The following FAM135A variants were observed in gnomAD, a reference collection of about 807,000 sequenced individuals.
FAM135A encodes the protein protein FAM135A.
In FAM135A, 79 loss-of-function variants were observed where a neutral mutation model predicts 146.8. The ratio of observed to expected loss-of-function variants is 0.54; its 90% CI spans 0.45 to 0.65. The LOEUF is 0.65. Among genes scored for constraint, FAM135A ranks in the 30% least tolerant of loss-of-function variants. FAM135A has a pLI of 0.00. For missense variants in FAM135A, 1,623 were observed against 1,758.2 expected (o/e 0.92, Z 1.38); for synonymous variants, 562 against 603.6 (o/e 0.93, Z 1.01).
At chr6:70,461,849 A>G (rs531697534) in intron 5 of FAM135A, among the ~76,000 whole-genome samples, 5 of 152,310 alleles carry the variant, frequency 3.3e-5, no homozygotes, top group African/African-American at 1.2e-4. Context: ...TATTCCATTT[A>G]TTTGAGTCTT....
chr6:70,493,724 T>C (rs541506301), intron 11 of FAM135A, among the ~76,000 whole-genome samples: 14 of 152,316 alleles, frequency 9.2e-5, no homozygotes, highest in South Asian at 2.1e-4. Flanking sequence ...AAACAAATTA[T>C]GGGATACTTG....
intron 4 of FAM135A, among the ~76,000 whole-genome samples, chr6:70,436,106 C>T (rs1448976319): frequency 1.3e-5 from 2 of 151,958 alleles, no homozygotes; most frequent in Non-Finnish European, 2.9e-5. Flanking sequence ...ATCACTTGAA[C>T]CCCAGAGGCG....
chr6:70,556,821 C>T lies in FAM135A; in HGVS notation c.4300C>T (p.Arg1434Cys), dbSNP rs1017529510. 6.2e-6 allele frequency: 10 copies of T among 1,613,696 alleles called. No homozygotes were observed. The highest frequency in any genetic ancestry group is 1.6e-4 in the Middle Eastern group (1 of 6,070). ...QDRYVPYHSA[R>C]IEMCKTALKD... ...TCGCTATGTTCCTTATCACTCTGCC[C>T]GCATTGAAATGTGTAAAACAGCTTT... The change falls in exon 21 of 22, where the codon CGC (arginine) becomes TGC (cysteine). Residue 1434 changes from arginine (R) to cysteine (C), a missense_variant. Transcript: ENST00000418814.
In FAM135A at chr6:70,502,627, TCA is replaced by T; in HGVS notation, c.874-8_874-7del. The T allele has an allele frequency of 6.2e-7, 1 of 1,600,498 alleles. No homozygotes were observed. The highest frequency in any genetic ancestry group is 1.4e-5 in the African/African-American group (1 of 73,998). On this transcript the variant is annotated splice_region_variant and splice_polypyrimidine_tract_variant and intron_variant, in intron 11 of 21. Coordinates refer to ENST00000418814, the MANE Select transcript of FAM135A (RefSeq NM_001162529.3). Reference sequence around the variant, plus strand: ...GGAAATAGTGAAATTTTTTTTCTTTTCATTTCAGAAAATAGAGAATCCTGATG... The same window carrying T: ...GGAAATAGTGAAATTTTTTTTCTTTTTTTCAGAAAATAGAGAATCCTGATG...
chr6:70,495,039 A>G (rs77182686), intron 11 of FAM135A, among the ~76,000 whole-genome samples: 108 of 152,306 alleles, frequency 7.1e-4, no homozygotes, highest in Non-Finnish European at 1.3e-3. Flanking sequence ...TTTAAAGTCC[A>G]TATTCTTAAA....
At chr6:70,513,951 A>G (rs1791624736) in intron 12 of FAM135A, among the ~76,000 whole-genome samples, 1 of 151,342 alleles carries the variant, frequency 6.6e-6, no homozygotes, top group Admixed American at 6.6e-5. Flanking sequence ...TTTGACTATG[A>G]TATGCCTTGT....
intron 16 of FAM135A, among the ~76,000 whole-genome samples, chr6:70,532,133 C>T (rs1230601447): frequency 6.6e-6 from 1 of 151,970 alleles, no homozygotes; most frequent in Non-Finnish European, 1.5e-5. Context: ...GCCACAGCCT[C>T]CTAAAGTGCT....
At chr6:70,553,127 G>A (rs1800159055) in intron 20 of FAM135A, among the ~76,000 whole-genome samples, 1 of 152,152 alleles carries the variant, frequency 6.6e-6, no homozygotes, top group South Asian at 2.1e-4. Context: ...GCCATTATTA[G>A]ATAAACCAGT....
At chr6:70,557,682 G>T (rs376914751) in intron 21 of FAM135A, 1 of 94,434 alleles carries the variant, frequency 1.1e-5, no homozygotes, top group East Asian at 3.1e-4. Flanking sequence ...AGACAAGAAC[G>T]AAACTCTGTC....
intron 7 of FAM135A, among the ~76,000 whole-genome samples, chr6:70,476,058 T>C (rs150356859): frequency 6.6e-6 from 1 of 152,206 alleles, no homozygotes; most frequent in Non-Finnish European, 1.5e-5. Context: ...CACTGGCTAA[T>C]CTTTCTTGAT....
intron 10 of FAM135A, among the ~76,000 whole-genome samples, chr6:70,489,415 G>A (rs1167140764): frequency 6.6e-6 from 1 of 152,150 alleles, no homozygotes; most frequent in African/African-American, 2.4e-5. Context: ...TATATTTTGT[G>A]AGTTATGAAA....
At chr6:70,431,564 A>G (rs552146311) in intron 4 of FAM135A, among the ~76,000 whole-genome samples, 1 of 152,298 alleles carries the variant, frequency 6.6e-6, no homozygotes, top group African/African-American at 2.4e-5. Flanking sequence ...AAAGCAAGTC[A>G]TAAGTAAGGC....
chr6:70,532,652 G>A (rs1796038866), intron 16 of FAM135A, among the ~76,000 whole-genome samples: 1 of 152,178 alleles, frequency 6.6e-6, no homozygotes, highest in African/African-American at 2.4e-5. Flanking sequence ...CAAACTGTTG[G>A]CCAGGCACGG....
chr6:70,543,494 G>A lies in FAM135A; in HGVS notation c.4228+5093G>A, dbSNP rs141913429. Among the ~76,000 whole-genome samples, 3 of 152,080 alleles carry A rather than the reference G, an allele frequency of 2.0e-5. No individual in the cohort carries two copies. The East Asian group carries it at 5.8e-4, about 29-fold the overall frequency. ...GAAAGGAAAATTCTCTTATAGATTG[G>A]GTTTTATGATTTTGTTTGTAATGAT... On this transcript the variant is annotated intron_variant, in intron 20 of 21. Coordinates refer to ENST00000418814, the MANE Select transcript of FAM135A (RefSeq NM_001162529.3).
At chr6:70,449,364 A>G (rs993095593) in intron 4 of FAM135A, among the ~76,000 whole-genome samples, 5 of 152,130 alleles carry the variant, frequency 3.3e-5, no homozygotes, top group African/African-American at 1.2e-4. Flanking sequence ...ACTCCTGTCC[A>G]ACTGCAACTT....
intron 4 of FAM135A, among the ~76,000 whole-genome samples, chr6:70,431,000 G>A (rs1771460076): frequency 2.0e-5 from 3 of 152,134 alleles, no homozygotes; most frequent in African/African-American, 7.2e-5. Context: ...ATTATTCCAG[G>A]TTAGTGTAAG....
rs1242891663 is a variant in FAM135A at position 70,542,276 on chromosome 6, A to ACACACACACACACACC, written c.4228+3876_4228+3877insACACACACACACACCC. The stretch of plus-strand genomic sequence containing the variant: ...CACACACACACACACACACACACAC[A>ACACACACACACACACC]CCCTTTGCTGTGGTCATGCTATTCA... On this transcript the variant is annotated intron_variant, in intron 20 of 21. Coordinates refer to ENST00000418814, the MANE Select transcript of FAM135A (RefSeq NM_001162529.3). Among the ~76,000 whole-genome samples, 278 of 149,122 alleles carry ACACACACACACACACC rather than the reference A, an allele frequency of 1.9e-3. 1 individual carries two copies. Among genetic ancestry groups the ACACACACACACACACC allele is most frequent in the African/African-American group, 6.2e-3 (251 of 40,544 alleles).
chr6:70,501,389 G>A (rs1227846226), intron 11 of FAM135A, among the ~76,000 whole-genome samples: 1 of 152,210 alleles, frequency 6.6e-6, no homozygotes, highest in Non-Finnish European at 1.5e-5. Flanking sequence ...TGCTGTGCTG[G>A]CAGCGAGAAT....
intron 4 of FAM135A, among the ~76,000 whole-genome samples, chr6:70,436,439 A>G (rs1773183245): frequency 6.6e-6 from 1 of 152,072 alleles, no homozygotes; most frequent in Non-Finnish European, 1.5e-5. Flanking sequence ...GAATATAAAT[A>G]TTTCTTTCAT....
Sources: gnomAD v4.1 joint callset for allele counts (sites outside exome capture counted in the v4.1 genomes callset) on GRCh38, gnomAD v4.1.1 for gene constraint, MANE v1.5 for transcripts, NCBI Gene and HGNC (gene_info 2026-07-23, HGNC 2026-07-21) for gene names.